The following STK39 variants were observed in gnomAD, a reference collection of about 807,000 sequenced individuals.
STK39 encodes serine/threonine kinase 39, also known as STE20/SPS1-related proline-alanine-rich protein kinase.
A neutral mutation model predicts 77.8 loss-of-function variants in STK39; 20 were observed. That is an observed-to-expected ratio of 0.26 (90% CI 0.18 to 0.37). The LOEUF (loss-of-function observed/expected upper bound fraction) is 0.37. Among genes scored for constraint, STK39 ranks in the 10% least tolerant of loss-of-function variants. The pLI is 1.00. For synonymous variants in STK39, 246 were observed against 234.1 expected (o/e 1.05, Z -0.47); for missense variants, 479 against 656.5 (o/e 0.73, Z 2.95).
At chr2:168,035,783 G>C (rs1289111982) in intron 14 of STK39, among the ~76,000 whole-genome samples, 1 of 152,128 alleles carries the variant, frequency 6.6e-6, no homozygotes, top group Non-Finnish European at 1.5e-5. Flanking sequence ...TGTCTAATGT[G>C]CTGTCCTTAA....
chr2:168,074,657 T>C lies in STK39; in HGVS notation c.1242+325A>G, dbSNP rs377359093. ...AAGGCAGTAATCCTAAGAGTTAAAA[T>C]TAATGGATTACCTAGTCTGTGACAA... On this transcript the variant is annotated intron_variant, in intron 12 of 17. Transcript: ENST00000355999. Among the ~76,000 whole-genome samples the C allele has an allele frequency of 6.4e-4, 97 of 152,318 alleles. 1 individual carries two copies. Among genetic ancestry groups the C allele is most frequent in the Middle Eastern group, 3.4e-3 (1 of 294 alleles).
At chr2:168,137,715 T>G (rs911284044) in intron 8 of STK39, among the ~76,000 whole-genome samples, 1 of 152,244 alleles carries the variant, frequency 6.6e-6, no homozygotes, top group African/African-American at 2.4e-5. Context: ...AGCAGGATAT[T>G]CAAATCCTGA....
chr2:168,114,454 A>G (rs1024198633), intron 10 of STK39, among the ~76,000 whole-genome samples: 1 of 152,220 alleles, frequency 6.6e-6, no homozygotes, highest in Admixed American at 6.5e-5. Context: ...TATAATCTGC[A>G]TAAGTGTTTT....
At chr2:168,244,323 T>C (rs1383564801) in intron 1 of STK39, among the ~76,000 whole-genome samples, 3 of 152,232 alleles carry the variant, frequency 2.0e-5, no homozygotes, top group Non-Finnish European at 1.5e-5. Flanking sequence ...TATTCTCTCT[T>C]AATCCTGGGG....
chr2:168,246,234 T>C (rs892490563), intron 1 of STK39, among the ~76,000 whole-genome samples: 1 of 152,176 alleles, frequency 6.6e-6, no homozygotes, highest in African/African-American at 2.4e-5. Flanking sequence ...ACCTGGAGGC[T>C]TCCCTAAGTG....
intron 1 of STK39, among the ~76,000 whole-genome samples, chr2:168,191,414 G>A (rs1689336972): frequency 6.6e-6 from 1 of 152,038 alleles, no homozygotes; most frequent in Non-Finnish European, 1.5e-5. Context: ...TAAAATTGGT[G>A]TCTAAGCCCC....
intron 17 of STK39, among the ~76,000 whole-genome samples, chr2:167,964,063 C>T (rs534022195): frequency 2.6e-5 from 4 of 152,154 alleles, no homozygotes; most frequent in Admixed American, 1.3e-4. Flanking sequence ...CCAGAATGTC[C>T]GGCACTCTGT....
intron 1 of STK39, among the ~76,000 whole-genome samples, chr2:168,235,917 G>A (rs1393130344): frequency 2.0e-5 from 3 of 151,976 alleles, no homozygotes; most frequent in Non-Finnish European, 4.4e-5. Context: ...ATAAACATAC[G>A]TGTGCATGTG....
rs530135856 is a variant in STK39 at position 168,101,633 on chromosome 2, G to A, written c.1090-26402C>T. Among the ~76,000 whole-genome samples, 17 of 152,138 alleles carry A rather than the reference G, an allele frequency of 1.1e-4. No individual in the cohort carries two copies. In the South Asian group the frequency reaches 3.5e-3, roughly 32 times the overall value. ...TGCACCTATAGTCCCAGCTACTCTG[G>A]AGGCTGGGACACATTAATTGCTTGA... On this transcript the variant is annotated intron_variant, in intron 10 of 17. Transcript: ENST00000355999.
chr2:167,996,081 T>G (rs1471996735), intron 16 of STK39, among the ~76,000 whole-genome samples: 2 of 152,220 alleles, frequency 1.3e-5, no homozygotes, highest in African/African-American at 4.8e-5. Context: ...GAAATACTCT[T>G]ATCTGATGAA....
chr2:167,964,527 C>A, intron 17 of STK39, 135 bp downstream of exon 17: 1 of 822,186 alleles, frequency 1.2e-6, no homozygotes. Flanking sequence ...TCAAATGCTT[C>A]CAAATGCAAA....
intron 14 of STK39, among the ~76,000 whole-genome samples, chr2:168,027,864 G>A (rs766641754): frequency 1.1e-4 from 17 of 152,154 alleles, no homozygotes; most frequent in Non-Finnish European, 2.4e-4. Context: ...AGCTGACACC[G>A]ACACTAGCAG....
intron 1 of STK39, among the ~76,000 whole-genome samples, chr2:168,221,895 TCA>T (rs901308952): frequency 1.6e-4 from 25 of 152,246 alleles, no homozygotes; most frequent in African/African-American, 5.1e-4. Flanking sequence ...TTCAGCCAGC[TCA>T]CAGTTGCTCA....
chr2:168,017,864 T>C (rs1196360566), intron 14 of STK39, among the ~76,000 whole-genome samples: 1 of 152,138 alleles, frequency 6.6e-6, no homozygotes, highest in African/African-American at 2.4e-5. Context: ...AAGGTATGCA[T>C]TTGGTAGTTT....
intron 12 of STK39, among the ~76,000 whole-genome samples, chr2:168,066,427 GACT>G (rs1685797072): frequency 6.6e-6 from 1 of 152,198 alleles, no homozygotes; most frequent in African/African-American, 2.4e-5. Context: ...AGGGGAAAAT[GACT>G]ACGTTAGAAG....
At chr2:168,010,494 A>G (rs192928573) in intron 16 of STK39, among the ~76,000 whole-genome samples, 1 of 150,942 alleles carries the variant, frequency 6.6e-6, no homozygotes, top group Non-Finnish European at 1.5e-5. Flanking sequence ...TTTAGGCGAG[A>G]ACTTAGCTGG....
intron 1 of STK39, among the ~76,000 whole-genome samples, chr2:168,233,208 G>A (rs1035788045): frequency 1.2e-4 from 18 of 152,254 alleles, no homozygotes; most frequent in Admixed American, 9.2e-4. Flanking sequence ...GACTCCTCAG[G>A]AAAGGTGCCA....
In STK39 at chr2:168,012,708, C is replaced by A; in HGVS notation, c.1430-6G>T. The A allele has an allele frequency of 1.2e-6, 2 of 1,612,154 alleles. No individual in the cohort carries two copies. The highest frequency in any genetic ancestry group is 1.1e-5 in the South Asian group (1 of 90,866). Reference sequence around the variant, plus strand: ...AGATACACCATCTGCTGTATCTGTCCAAATGTGAAATGAATATGTATTAGT... The same window carrying A: ...AGATACACCATCTGCTGTATCTGTCAAAATGTGAAATGAATATGTATTAGT... On this transcript the variant is annotated splice_region_variant and splice_polypyrimidine_tract_variant and intron_variant, in intron 15 of 17. Coordinates refer to ENST00000355999, the MANE Select transcript of STK39 (RefSeq NM_013233.3).
chr2:168,080,334 GA>G (rs1479409419), intron 10 of STK39, among the ~76,000 whole-genome samples: 1 of 152,144 alleles, frequency 6.6e-6, no homozygotes, highest in Non-Finnish European at 1.5e-5. Context: ...CGATGTGACA[GA>G]AAAGAAAATC....
Sources: allele counts gnomAD v4.1 joint callset (sites outside exome capture counted in the v4.1 genomes callset), GRCh38; gene constraint gnomAD v4.1.1; transcripts MANE v1.5; gene names NCBI Gene and HGNC (gene_info 2026-07-23, HGNC 2026-07-21).